RESP18: variants seen among roughly 807,000 people sequenced by gnomAD.
The protein encoded by RESP18 is regulated endocrine specific protein 18.
Under a neutral mutation model 30.0 loss-of-function variants are expected in RESP18, and 30 were observed. That is an observed-to-expected ratio of 1.00 (90% CI 0.75 to 1.36). The LOEUF is 1.36. Among genes scored for constraint, RESP18 ranks in the 40% most tolerant of loss-of-function variants. The pLI, the probability that RESP18 is intolerant of heterozygous loss-of-function variation, is 0.00. For missense variants in RESP18, 320 were observed against 284.2 expected, an observed-to-expected ratio of 1.13 and a Z score of -0.91; for synonymous variants, 117 against 111.2, an observed-to-expected ratio of 1.05 and a Z score of -0.33.
rs377057397 is a variant in RESP18, at chr2:219,332,792, G to A, written c.18-54C>T. The A allele has an allele frequency of 5.3e-4, 741 of 1,390,702 alleles. 9 individuals are homozygous for A. In the African/African-American group the frequency reaches 8.3e-3, roughly 16 times the overall value. 86.1% of individuals were successfully genotyped at this position (1,390,702 alleles called of 1,614,324 possible). ...AATCGTGAGCGGGCCCTGCCCCTGC[G>A]GTCGCCTCCCCAGCTCCTTCCCCTA... On this transcript the variant is annotated intron_variant, in intron 1 of 6. Coordinates refer to ENST00000333527, the MANE Select transcript of RESP18 (RefSeq NM_001007089.4).
At chr2:219,328,674 C>T (rs11892648) in intron 6 of RESP18, among the ~76,000 whole-genome samples, 58,448 of 151,962 alleles carry the variant, frequency 0.38, 14,008 homozygotes, top group African/African-American at 0.68. Flanking sequence ...ACTAGATGGG[C>T]GGTTTCCATT....
chr2:219,328,886 T>TCTG (rs1952800175), intron 6 of RESP18, 38 bp downstream of exon 5: 1 of 1,352,934 alleles, frequency 7.4e-7, no homozygotes, highest in African/African-American at 1.5e-5. Flanking sequence ...TTTTGAAAAC[T>TCTG]CTGCTGTTTC....
At chr2:219,327,643 T>C (rs960079634) in intron 6 of RESP18, 80 bp from the exon 6 acceptor site, 6 of 1,202,942 alleles carry the variant, frequency 5.0e-6, no homozygotes, top group Non-Finnish European at 4.8e-6. Context: ...CTTCCACAAA[T>C]ACTGTAGTAA....
intron 2 of RESP18, 96 bp from the exon 2 acceptor site, chr2:219,330,971 C>A: frequency 1.4e-6 from 1 of 732,530 alleles, no homozygotes; most frequent in South Asian, 1.6e-5. Flanking sequence ...CACTCCTGGA[C>A]CCCTGACCTC....
chr2:219,332,500 G>C (rs775313729), intron 2 of RESP18, 24 bp downstream of exon 1: 7 of 1,529,070 alleles, frequency 4.6e-6, no homozygotes, highest in South Asian at 1.2e-5. Flanking sequence ...GGCCCTGCCC[G>C]CACCCCCCAG....
At chr2:219,328,458 T>C (rs1323549459) in intron 6 of RESP18, among the ~76,000 whole-genome samples, 1 of 152,154 alleles carries the variant, frequency 6.6e-6, no homozygotes, top group Non-Finnish European at 1.5e-5. Context: ...AAAAACCTCT[T>C]TTTTCAGTGT....
At position 219,330,530 on chromosome 2, in the gene RESP18, G is replaced by GT. The variant is rs142399935; in HGVS notation, c.337+240dup. Among the ~76,000 whole-genome samples, 537 of 136,586 alleles carry GT rather than the reference G, an allele frequency of 3.9e-3. 2 individuals are homozygous for GT. Among genetic ancestry groups the GT allele is most frequent in the South Asian group, 0.01 (48 of 4,604 alleles). The allele number at this position is 136,586 out of a possible 152,430, so 89.6% of individuals were successfully genotyped here. A position where few individuals can be genotyped will look rare whatever the true frequency, so the allele number is the denominator to read the frequency against. ...AGGAGTTGGATGCTGGCCGTTTTCA[G>GT]TTTTGTTTTTTTTTTTCCCTAGAAG... On this transcript the variant is annotated intron_variant, in intron 3 of 6. Coordinates refer to ENST00000333527, the MANE Select transcript of RESP18 (RefSeq NM_001007089.4).
Position 219,330,770 on chromosome 2 carries a change from C to T in RESP18, c.337+1G>A, listed in dbSNP as rs990849466. Reference sequence around the variant, plus strand: ...ACCTCTGTTCTCCAGCTTTTACTTACCTTGGGGTATAATCTGCTGGAGCAC... The same window carrying T: ...ACCTCTGTTCTCCAGCTTTTACTTATCTTGGGGTATAATCTGCTGGAGCAC... On this transcript the variant is annotated splice_donor_variant, in intron 3 of 6. Transcript: ENST00000333527. LOFTEE classifies it high-confidence loss of function. 6 of 1,544,070 alleles carry T rather than the reference C, an allele frequency of 3.9e-6. No homozygotes were observed. The African/African-American group carries it at 8.2e-5, about 21-fold the overall frequency.
intron 2 of RESP18, among the ~76,000 whole-genome samples, chr2:219,332,148 T>C (rs1574949504): frequency 6.6e-6 from 1 of 152,218 alleles, no homozygotes; most frequent in East Asian, 1.9e-4. Flanking sequence ...CCCTGGCTCG[T>C]CTCCTGGCCC....
chr2:219,331,141 A>G (rs1305511366), intron 2 of RESP18: 1 of 356,432 alleles, frequency 2.8e-6, no homozygotes, highest in Non-Finnish European at 5.1e-6. Context: ...AGAAGTTCAG[A>G]TGCGCAGAGG....
In RESP18 at chr2:219,329,682, T is replaced by C. The variant is rs1245049071; in HGVS notation, c.420A>G (p.Pro140=). 1.9e-6 allele frequency: 3 copies of C among 1,551,702 alleles called. No individual in the cohort carries two copies. Among genetic ancestry groups the C allele is most frequent in the Non-Finnish European group, 2.6e-6 (3 of 1,147,010 alleles). ...AAAGTGCCTTCCCATCCTTCAGGCA[T>C]GGTTCTTGGGGATGCAGTCTGCTGG... The change falls in exon 4 of 7, where the codon CCA becomes CCG. Residue 140 remains proline, a synonymous_variant. Coordinates refer to ENST00000333527, the MANE Select transcript of RESP18 (RefSeq NM_001007089.4).
At position 219,332,748 on chromosome 2, in the gene RESP18, C is replaced by A. The variant is rs766960954; in HGVS notation, c.18-10G>T. On this transcript the variant is annotated splice_polypyrimidine_tract_variant and intron_variant, in intron 1 of 6. Transcript: ENST00000333527. ...GCCCGCGACTCCGAATCTGTTTAACCCTCCTCGGCAGTTCAGCCAATCGTG... is the reference window on the plus strand; with the variant it reads ...GCCCGCGACTCCGAATCTGTTTAACACTCCTCGGCAGTTCAGCCAATCGTG... The A allele has an allele frequency of 5.8e-4, 884 of 1,527,432 alleles. 1 individual carries two copies. Among genetic ancestry groups the A allele is most frequent in the Non-Finnish European group, 4.8e-4 (539 of 1,131,196 alleles). 94.6% of individuals were successfully genotyped at this position (1,527,432 alleles called of 1,614,324 possible).
chr2:219,329,378 G>A, intron 4 of RESP18, 126 bp from the exon 4 acceptor site: 1 of 1,551,648 alleles, frequency 6.4e-7, no homozygotes, highest in Non-Finnish European at 8.7e-7. Flanking sequence ...TCTCACTGGG[G>A]AATAGGAGTT....
chr2:219,329,847 G>T, intron 3 of RESP18, 83 bp from the exon 3 acceptor site: 1 of 1,325,634 alleles, frequency 7.5e-7, no homozygotes, highest in Non-Finnish European at 1.0e-6. Flanking sequence ...TTTCTCTCAA[G>T]TATATATTAG....
intron 6 of RESP18, 73 bp from the exon 6 acceptor site, chr2:219,327,636 C>T: frequency 7.9e-7 from 1 of 1,262,626 alleles, no homozygotes; most frequent in East Asian, 2.5e-5. Context: ...TGCCCTCCTT[C>T]CACAAATACT....
At chr2:219,332,379 A>G (rs1952840236) in intron 2 of RESP18, 145 bp downstream of exon 1, 6 of 646,990 alleles carry the variant, frequency 9.3e-6, no homozygotes, top group South Asian at 7.8e-5. Context: ...TCTTTCCGCT[A>G]GACGCTGTCT....
At chr2:219,327,609 G>A in intron 6 of RESP18, 46 bp from the exon 6 acceptor site, 2 of 1,490,166 alleles carry the variant, frequency 1.3e-6, no homozygotes, top group Non-Finnish European at 1.8e-6. Context: ...ATGTGAGACA[G>A]TGGCTCCTCC....
chr2:219,330,680 A>G lies in RESP18; in HGVS notation c.337+91T>C, dbSNP rs922418576. 4 of 761,028 alleles carry G rather than the reference A, an allele frequency of 5.3e-6. No individual in the cohort carries two copies. The African/African-American group carries it at 7.8e-5, about 15-fold the overall frequency. 47.1% of individuals were successfully genotyped at this position (761,028 alleles called of 1,614,324 possible). A position where few individuals can be genotyped will look rare whatever the true frequency, so the allele number is the denominator to read the frequency against. On this transcript the variant is annotated intron_variant, in intron 3 of 6. Coordinates refer to ENST00000333527, the MANE Select transcript of RESP18 (RefSeq NM_001007089.4). ...AGTTTTAAGTAGAGACATTTGGGGA[A>G]CAGAAAGCCTACCCTCAGGTCGGAT...
In RESP18 at chr2:219,329,781, T is replaced by TG. The variant is rs1278064543; in HGVS notation, c.338-18dup. 5 of 1,548,212 alleles carry TG rather than the reference T, an allele frequency of 3.2e-6. No homozygotes were observed. In the African/African-American group the frequency reaches 4.1e-5, roughly 13 times the overall value. ...AGAACAGACCTGCAGGATGAAAGGA[T>TG]GGGGGGTGAGTTGACACCTGAGACA... On this transcript the variant is annotated splice_polypyrimidine_tract_variant and intron_variant, in intron 3 of 6. Transcript: ENST00000333527.
Sources: gnomAD v4.1 joint callset for allele counts (sites outside exome capture counted in the v4.1 genomes callset) on GRCh38, gnomAD v4.1.1 for gene constraint, MANE v1.5 for transcripts, NCBI Gene and HGNC (gene_info 2026-07-23, HGNC 2026-07-21) for gene names.